LRRC27: variants seen among roughly 807,000 people sequenced by gnomAD.
LRRC27 encodes leucine-rich repeat-containing protein 27.
A neutral mutation model predicts 55.0 loss-of-function variants in LRRC27; 57 were observed. That is an observed-to-expected ratio of 1.04 (90% CI 0.84 to 1.29). The LOEUF (loss-of-function observed/expected upper bound fraction) is 1.29. Among genes scored for constraint, LRRC27 ranks in the 50% most tolerant of loss-of-function variants. The pLI is 0.00. For missense variants in LRRC27, 721 were observed against 651.5 expected (o/e 1.11, Z -1.16); for synonymous variants, 278 against 251.9 (o/e 1.10, Z -0.98).
At chr10:132,331,586 G>A (rs1421916955), upstream of LRRC27, 1 of 1,612,832 alleles carries the variant, frequency 6.2e-7, no homozygotes, top group Admixed American at 1.7e-5. Flanking sequence ...GGAAGCCCCA[G>A]GAGAGACGCG....
intron 5 of LRRC27, among the ~76,000 whole-genome samples, chr10:132,346,509 T>G (rs1432376847): frequency 6.6e-6 from 1 of 152,194 alleles, no homozygotes; most frequent in Admixed American, 6.5e-5. Context: ...ACCCTGTCTC[T>G]ACTAAAAATA....
intron 8 of LRRC27, among the ~76,000 whole-genome samples, chr10:132,358,119 C>CTACTAA (rs2068391381): frequency 6.6e-6 from 1 of 152,330 alleles, no homozygotes; most frequent in African/African-American, 2.4e-5. Context: ...CAAAGAATGG[C>CTACTAA]TACTAATTGA....
Position 132,375,357 on chromosome 10 carries a change from G to T in LRRC27, c.*115G>T. On this transcript the variant is annotated 3_prime_UTR_variant, in exon 11 of 11. Coordinates refer to ENST00000368614, the MANE Select transcript of LRRC27 (RefSeq NM_030626.3). ...AGCGCCAGGTTCAGTGTTACCCTGA[G>T]GGCTGATTTCGCGCAGCCTGTTGTT... The T allele has an allele frequency of 1.0e-6, 1 of 955,762 alleles. No homozygotes were observed. The highest frequency in any genetic ancestry group is 1.5e-6 in the Non-Finnish European group (1 of 651,630). The allele number at this position is 955,762 out of a possible 1,614,324, so 59.2% of individuals were successfully genotyped here.
upstream of LRRC27, chr10:132,331,793 T>G: frequency 1.2e-6 from 2 of 1,604,540 alleles, no homozygotes; most frequent in Non-Finnish European, 1.7e-6. Context: ...ACCCTCGCGG[T>G]CTCTACTTGC....
chr10:132,361,383 C>G, intron 8 of LRRC27, 74 bp from the exon 9 acceptor site: 1 of 1,268,888 alleles, frequency 7.9e-7, no homozygotes, highest in Non-Finnish European at 1.2e-6. Flanking sequence ...TAGTCTAACA[C>G]ACCTTGCAGG....
chr10:132,353,939 T>C (rs2068187114), intron 7 of LRRC27, among the ~76,000 whole-genome samples: 1 of 152,238 alleles, frequency 6.6e-6, no homozygotes, highest in African/African-American at 2.4e-5. Flanking sequence ...GCCTCGGCTC[T>C]GCCAGTTTCA....
In LRRC27 at chr10:132,374,237, G is replaced by T. The variant is rs2069290926; in HGVS notation, c.1417-829G>T. 6.7e-6 allele frequency among the ~76,000 whole-genome samples: 1 copy of T among 149,802 alleles called. No homozygotes were observed. The highest frequency in any genetic ancestry group is 2.5e-5 in the African/African-American group (1 of 40,552). On this transcript the variant is annotated intron_variant, in intron 10 of 10. Coordinates refer to ENST00000368614, the MANE Select transcript of LRRC27 (RefSeq NM_030626.3). This position sits in a 1 kb window ranked among gnomAD's most constrained non-coding sequence, Gnocchi z 4.4. Reference sequence around the variant, plus strand: ...CCAGGGACCTGCTGTGATTATGTCTGTATGGGGCGGGGAGGCTGCAGGGGT... The same window carrying T: ...CCAGGGACCTGCTGTGATTATGTCTTTATGGGGCGGGGAGGCTGCAGGGGT...
chr10:132,343,558 A>T (rs1396843527), intron 4 of LRRC27, among the ~76,000 whole-genome samples: 1 of 152,256 alleles, frequency 6.6e-6, no homozygotes, highest in Non-Finnish European at 1.5e-5. Flanking sequence ...ACAGGATTTG[A>T]TAAGGAAACG....
chr10:132,356,767 AG>A (rs893737165), intron 8 of LRRC27, among the ~76,000 whole-genome samples: 3 of 152,278 alleles, frequency 2.0e-5, no homozygotes, highest in African/African-American at 7.2e-5. Flanking sequence ...CCGTGGGCAC[AG>A]GGTGGTGGGA....
intron 3 of LRRC27, among the ~76,000 whole-genome samples, chr10:132,340,867 T>G (rs1457667410): frequency 3.2e-5 from 4 of 124,598 alleles, no homozygotes; most frequent in Non-Finnish European, 6.5e-5. Context: ...AGCCACAGAG[T>G]GAGACTCCAT....
chr10:132,362,697 A>C (rs2068686522), intron 9 of LRRC27, among the ~76,000 whole-genome samples: 2 of 12,376 alleles, frequency 1.6e-4, no homozygotes, highest in Admixed American at 8.1e-4. Context: ...GGGTTCATGA[A>C]CCCTCTCACC....
At chr10:132,332,749 C>G (rs921617890) in intron 1 of LRRC27, among the ~76,000 whole-genome samples, 9 of 145,862 alleles carry the variant, frequency 6.2e-5, no homozygotes, top group African/African-American at 2.2e-4. Context: ...TAACTGCGCC[C>G]CTGGAACAGT....
chr10:132,380,736 G>T lies in LRRC27; in HGVS notation c.*5494G>T, dbSNP rs987988559. Among the ~76,000 whole-genome samples, 1 of 152,186 alleles carries T rather than the reference G, an allele frequency of 6.6e-6. No homozygotes were observed. Among genetic ancestry groups the T allele is most frequent in the Non-Finnish European group, 1.5e-5 (1 of 68,040 alleles). On this transcript the variant is annotated 3_prime_UTR_variant, in exon 11 of 11. Transcript: ENST00000368614. Reference sequence around the variant, plus strand: ...TACTGTAAACCTTGAAGAACACTTTGGGACCCATAGAGTGCCACCAGTCAT... The same window carrying T: ...TACTGTAAACCTTGAAGAACACTTTTGGACCCATAGAGTGCCACCAGTCAT...
chr10:132,331,562 G>A (rs2066742874), upstream of LRRC27: 1 of 1,612,822 alleles, frequency 6.2e-7, no homozygotes, highest in Non-Finnish European at 8.5e-7. Flanking sequence ...CAGCTCCTGT[G>A]GGAAGTGGCT....
chr10:132,339,084 A>C (rs1205573012), intron 3 of LRRC27, among the ~76,000 whole-genome samples: 1 of 152,040 alleles, frequency 6.6e-6, no homozygotes, highest in Admixed American at 6.5e-5. Flanking sequence ...CCCATGCAGG[A>C]GGGGCAGCCT....
intron 2 of LRRC27, among the ~76,000 whole-genome samples, chr10:132,334,915 A>G (rs989213031): frequency 6.6e-6 from 1 of 152,224 alleles, no homozygotes; most frequent in Non-Finnish European, 1.5e-5. Context: ...TATAAATTTT[A>G]TTACCATGGC....
chr10:132,355,437 C>G (rs1033924956), intron 7 of LRRC27, among the ~76,000 whole-genome samples: 20 of 152,356 alleles, frequency 1.3e-4, no homozygotes, highest in Admixed American at 1.1e-3. Flanking sequence ...CGCAGCCAGG[C>G]ACCCCCAACC....
rs949917047 is a variant in LRRC27, at chr10:132,361,144, G to A, written c.1171-313G>A. Among the ~76,000 whole-genome samples, 5 of 152,216 alleles carry A rather than the reference G, an allele frequency of 3.3e-5. 1 individual carries two copies. The highest frequency in any genetic ancestry group is 6.5e-5 in the Admixed American group (1 of 15,292). ...AGCCAGCCACTGCAGCAAACCTGGC[G>A]TGGGGGGCATAAGGGCATGCAGGGC... On this transcript the variant is annotated intron_variant, in intron 8 of 10. Transcript: ENST00000368614.
intron 9 of LRRC27, among the ~76,000 whole-genome samples, chr10:132,362,873 G>C (rs1171001103): frequency 3.7e-5 from 5 of 135,462 alleles, no homozygotes; most frequent in African/African-American, 1.4e-4. Context: ...TCACCTCACA[G>C]CTGCTCGGGG....
Sources: allele counts gnomAD v4.1 joint callset (sites outside exome capture counted in the v4.1 genomes callset), GRCh38; gene constraint gnomAD v4.1.1; non-coding constraint Gnocchi (gnomAD v3.1); transcripts MANE v1.5; gene names NCBI Gene and HGNC (gene_info 2026-07-23, HGNC 2026-07-21).